IL15: variants seen among roughly 807,000 people sequenced by gnomAD.
The protein encoded by IL15 is interleukin-15.
In IL15, 11 loss-of-function variants were observed where a neutral mutation model predicts 19.6. The observed-to-expected ratio is 0.56, with a 90% CI of 0.35 to 0.93. IL15 has a LOEUF of 0.93. Ranked by LOEUF, IL15 falls within the 40% of genes least tolerant of loss-of-function variation. The pLI, the probability that IL15 is intolerant of heterozygous loss-of-function variation, is 0.01. For synonymous variants in IL15, 58 were observed against 59.6 expected (o/e 0.97, Z 0.12); for missense variants, 197 against 186.5 (o/e 1.06, Z -0.33).
intron 1 of IL15, among the ~76,000 whole-genome samples, chr4:141,641,496 GA>G (rs1321093790): frequency 6.6e-6 from 1 of 152,008 alleles, no homozygotes; most frequent in Non-Finnish European, 1.5e-5. Context: ...ATACACCATA[GA>G]ATACTATGCA....
intron 1 of IL15, among the ~76,000 whole-genome samples, chr4:141,652,676 A>C (rs766134342): frequency 4.4e-4 from 67 of 152,130 alleles, no homozygotes; most frequent in Non-Finnish European, 8.2e-4. Flanking sequence ...AATAATAAAC[A>C]ATTAGAAGAA....
chr4:141,640,610 CAGAA>C (rs2152149041), intron 1 of IL15, among the ~76,000 whole-genome samples: 1 of 152,104 alleles, frequency 6.6e-6, no homozygotes, highest in African/African-American at 2.4e-5. Flanking sequence ...GTGCTGGAGT[CAGAA>C]AGAGGAGAAA....
At chr4:141,676,006 G>A (rs1728328106) in intron 2 of IL15, among the ~76,000 whole-genome samples, 1 of 151,974 alleles carries the variant, frequency 6.6e-6, no homozygotes, top group Non-Finnish European at 1.5e-5. Context: ...TGTCTACTCT[G>A]GGGAAAAAAA....
chr4:141,647,025 A>T (rs193184301), intron 1 of IL15, among the ~76,000 whole-genome samples: 1 of 152,272 alleles, frequency 6.6e-6, no homozygotes, highest in Admixed American at 6.5e-5. Flanking sequence ...GGGTACTGCA[A>T]ATAGAATGGA....
At chr4:141,694,179 T>C (rs1729015644) in intron 2 of IL15, among the ~76,000 whole-genome samples, 2 of 152,220 alleles carry the variant, frequency 1.3e-5, no homozygotes, top group Non-Finnish European at 2.9e-5. Context: ...GGAAGTCCTC[T>C]GGTGAGTCCT....
intron 5 of IL15, among the ~76,000 whole-genome samples, chr4:141,724,170 G>A (rs1302342894): frequency 2.0e-5 from 3 of 151,610 alleles, no homozygotes; most frequent in African/African-American, 7.3e-5. Context: ...TAAATACAAC[G>A]GGCAAATCTC....
intron 1 of IL15, among the ~76,000 whole-genome samples, chr4:141,645,235 G>A (rs1241927928): frequency 6.6e-6 from 1 of 151,990 alleles, no homozygotes; most frequent in Non-Finnish European, 1.5e-5. Context: ...TAATTTTTTG[G>A]GAAGTCAAGG....
chr4:141,723,495 C>T (rs1293232301), intron 5 of IL15, among the ~76,000 whole-genome samples: 1 of 152,150 alleles, frequency 6.6e-6, no homozygotes, highest in African/African-American at 2.4e-5. Context: ...GTCAAGAAAG[C>T]ATTCTTCTCT....
At chr4:141,681,264 T>G (rs969234610) in intron 2 of IL15, among the ~76,000 whole-genome samples, 2 of 151,274 alleles carry the variant, frequency 1.3e-5, no homozygotes, top group Admixed American at 1.3e-4. Flanking sequence ...TTTTTTCTAA[T>G]AAGTTGGCAT....
chr4:141,678,605 ATTTT>A (rs5862541), intron 2 of IL15, among the ~76,000 whole-genome samples: 2 of 126,600 alleles, frequency 1.6e-5, no homozygotes, highest in Non-Finnish European at 1.6e-5. Flanking sequence ...GATTTCGTTG[ATTTT>A]TTTTTTTTTT....
chr4:141,645,680 A>T (rs1039142818), intron 1 of IL15, among the ~76,000 whole-genome samples: 3 of 152,118 alleles, frequency 2.0e-5, no homozygotes, highest in Admixed American at 2.0e-4. Flanking sequence ...TATTTTCTCA[A>T]GCCTAAGAAT....
chr4:141,676,955 A>C (rs914197943), intron 2 of IL15, among the ~76,000 whole-genome samples: 2 of 152,230 alleles, frequency 1.3e-5, no homozygotes, highest in African/African-American at 2.4e-5. Context: ...GCCAGAAAAC[A>C]AATTGACATT....
intron 1 of IL15, among the ~76,000 whole-genome samples, chr4:141,639,722 C>CT (rs1024491141): frequency 8.5e-5 from 13 of 152,308 alleles, no homozygotes; most frequent in African/African-American, 2.9e-4. Context: ...GAAGCCACTT[C>CT]TTTTGCTCGA....
intron 5 of IL15, among the ~76,000 whole-genome samples, chr4:141,726,851 A>G (rs1730283086): frequency 6.6e-6 from 1 of 152,178 alleles, no homozygotes; most frequent in Non-Finnish European, 1.5e-5. Context: ...GTACATTTAT[A>G]AAATAGAATA....
At chr4:141,641,718 C>A (rs1475401150) in intron 1 of IL15, among the ~76,000 whole-genome samples, 1 of 150,432 alleles carries the variant, frequency 6.6e-6, no homozygotes, top group Non-Finnish European at 1.5e-5. Context: ...GGAGGGATAG[C>A]ATTAGGAGAT....
intron 2 of IL15, among the ~76,000 whole-genome samples, chr4:141,689,816 G>T (rs1019325155): frequency 1.3e-5 from 2 of 152,234 alleles, no homozygotes; most frequent in African/African-American, 4.8e-5. Flanking sequence ...CCACACTGGG[G>T]CTGCAGGTGG....
chr4:141,676,531 A>T (rs1343948514), intron 2 of IL15, among the ~76,000 whole-genome samples: 11 of 152,186 alleles, frequency 7.2e-5, no homozygotes, highest in Non-Finnish European at 1.3e-4. Context: ...AACTCATTAC[A>T]CATGGTACTT....
At chr4:141,647,756 T>A (rs908959132) in intron 1 of IL15, among the ~76,000 whole-genome samples, 2 of 152,068 alleles carry the variant, frequency 1.3e-5, no homozygotes, top group African/African-American at 2.4e-5. Context: ...CTTTAAAGAC[T>A]CACTTTCTCT....
chr4:141,685,457 A>G (rs962306648), intron 2 of IL15, among the ~76,000 whole-genome samples: 7 of 152,228 alleles, frequency 4.6e-5, no homozygotes, highest in African/African-American at 1.7e-4. Context: ...GACTGTGGTC[A>G]TTTAAGGAAA....
Sources: gnomAD v4.1 joint callset for allele counts (sites outside exome capture counted in the v4.1 genomes callset) on GRCh38, gnomAD v4.1.1 for gene constraint, MANE v1.5 for transcripts, NCBI Gene and HGNC (gene_info 2026-07-23, HGNC 2026-07-21) for gene names.